CEP128: variants seen among roughly 807,000 people sequenced by gnomAD.
CEP128 encodes centrosomal protein 128kDa.
CEP128 carries 132 observed loss-of-function variants against 156.7 expected under a neutral mutation model. The observed-to-expected ratio is 0.84, with a 90% CI of 0.73 to 0.97. The LOEUF is 0.97. Among genes scored for constraint, CEP128 ranks in the 50% least tolerant of loss-of-function variants. The pLI, the probability that CEP128 is intolerant of heterozygous loss-of-function variation, is 0.00. For missense variants in CEP128, 1,252 were observed against 1,281.9 expected (o/e 0.98, Z 0.36); for synonymous variants, 469 against 448.9 (o/e 1.04, Z -0.57).
At chr14:80,952,594 CT>C in intron 2 of CEP128, among the ~76,000 whole-genome samples, 1 of 151,658 alleles carries the variant, frequency 6.6e-6, no homozygotes, top group Non-Finnish European at 1.5e-5. Context: ...GAAACCTCAC[CT>C]TAAGAAGTAA....
At chr14:80,655,989 C>G (rs1895116495) in intron 19 of CEP128, among the ~76,000 whole-genome samples, 1 of 151,742 alleles carries the variant, frequency 6.6e-6, no homozygotes, top group African/African-American at 2.4e-5. Flanking sequence ...AAGACCTACT[C>G]TAGGAAGGCT....
intron 19 of CEP128, among the ~76,000 whole-genome samples, chr14:80,681,858 C>T (rs1206811650): frequency 1.3e-5 from 2 of 152,158 alleles, no homozygotes; most frequent in South Asian, 2.1e-4. Flanking sequence ...AATCCCAGCA[C>T]ACTGGGAGGC....
At chr14:80,561,472 C>A (rs1299702953) in intron 20 of CEP128, among the ~76,000 whole-genome samples, 1 of 152,110 alleles carries the variant, frequency 6.6e-6, no homozygotes, top group East Asian at 1.9e-4. Context: ...ACTTTAATAT[C>A]CTTTGCAGAT....
chr14:80,836,445 C>G, intron 11 of CEP128, 108 bp from the exon 12 acceptor site: 1 of 1,174,144 alleles, frequency 8.5e-7, no homozygotes, highest in Non-Finnish European at 1.2e-6. Context: ...TCCTTCCAAG[C>G]ATAGTGGAAC....
At chr14:80,635,784 C>A (rs1043628308) in intron 19 of CEP128, among the ~76,000 whole-genome samples, 6 of 152,160 alleles carry the variant, frequency 3.9e-5, no homozygotes, top group African/African-American at 7.2e-5. Context: ...AAAATCTGAA[C>A]CTTTTTGAAC....
At chr14:80,688,917 T>C (rs1032838279) in intron 19 of CEP128, among the ~76,000 whole-genome samples, 2 of 152,150 alleles carry the variant, frequency 1.3e-5, no homozygotes, top group Non-Finnish European at 2.9e-5. Flanking sequence ...AGACATTAAA[T>C]TGGGTACAAG....
At chr14:80,885,403 C>T (rs1888748098) in intron 8 of CEP128, among the ~76,000 whole-genome samples, 1 of 152,178 alleles carries the variant, frequency 6.6e-6, no homozygotes, top group Non-Finnish European at 1.5e-5. Context: ...GTGGGTATCC[C>T]TCTGGAACGA....
intron 13 of CEP128, among the ~76,000 whole-genome samples, chr14:80,808,532 A>G (rs560917852): frequency 6.6e-6 from 1 of 152,098 alleles, no homozygotes; most frequent in South Asian, 2.1e-4. Flanking sequence ...TGAGAACACA[A>G]TCACCAACCT....
intron 19 of CEP128, among the ~76,000 whole-genome samples, chr14:80,677,610 C>G (rs1384771855): frequency 6.8e-6 from 1 of 148,128 alleles, no homozygotes; most frequent in African/African-American, 2.5e-5. Flanking sequence ...GAGTGAAAGA[C>G]AAGTAATGCT....
At chr14:80,958,496 A>G (rs1886831190) in intron 1 of CEP128, among the ~76,000 whole-genome samples, 2 of 152,124 alleles carry the variant, frequency 1.3e-5, no homozygotes, top group African/African-American at 4.8e-5. Context: ...ACATTCAGTA[A>G]ACCGACTGAT....
chr14:80,663,962 G>A (rs551974432), intron 19 of CEP128, among the ~76,000 whole-genome samples: 35 of 152,220 alleles, frequency 2.3e-4, no homozygotes, highest in African/African-American at 3.9e-4. Flanking sequence ...ACTGCCCACC[G>A]CCTACATCTC....
intron 12 of CEP128, among the ~76,000 whole-genome samples, chr14:80,834,142 A>G (rs1885953683): frequency 6.6e-6 from 1 of 152,208 alleles, no homozygotes; most frequent in Non-Finnish European, 1.5e-5. Context: ...CCAGGCAGAC[A>G]TACTAAGTAA....
chr14:80,746,312 G>A (rs1360180479), intron 18 of CEP128, among the ~76,000 whole-genome samples: 3 of 152,138 alleles, frequency 2.0e-5, no homozygotes, highest in African/African-American at 7.2e-5. Flanking sequence ...TATAGTTGGA[G>A]GATTCATACT....
At chr14:80,837,646 G>A (rs1374397628) in intron 11 of CEP128, among the ~76,000 whole-genome samples, 2 of 152,216 alleles carry the variant, frequency 1.3e-5, no homozygotes, top group Non-Finnish European at 2.9e-5. Flanking sequence ...AACCCGGGAG[G>A]CTGAGGTTGT....
At chr14:80,884,352 A>G (rs984042708) in intron 8 of CEP128, among the ~76,000 whole-genome samples, 1 of 152,246 alleles carries the variant, frequency 6.6e-6, no homozygotes, top group African/African-American at 2.4e-5. Flanking sequence ...AATAACCATT[A>G]TACAGAGAGC....
intron 21 of CEP128, among the ~76,000 whole-genome samples, chr14:80,554,531 A>G (rs1352198999): frequency 6.6e-6 from 1 of 152,160 alleles, no homozygotes. Flanking sequence ...TTGACTAAAA[A>G]TAGTTGATTA....
chr14:80,547,685 G>A (rs545708227), intron 21 of CEP128, among the ~76,000 whole-genome samples: 4 of 152,148 alleles, frequency 2.6e-5, no homozygotes, highest in Non-Finnish European at 4.4e-5. Flanking sequence ...AATATAATAT[G>A]ATTAAACTAG....
intron 19 of CEP128, among the ~76,000 whole-genome samples, chr14:80,614,935 T>C (rs1236632493): frequency 6.6e-6 from 1 of 152,218 alleles, no homozygotes; most frequent in African/African-American, 2.4e-5. Flanking sequence ...GGTTATCAAA[T>C]GTACAGCTCA....
intron 19 of CEP128, among the ~76,000 whole-genome samples, chr14:80,650,608 T>C (rs1894861633): frequency 6.6e-6 from 1 of 152,188 alleles, no homozygotes; most frequent in African/African-American, 2.4e-5. Context: ...ACCTAGTTTA[T>C]TGAGAGTTTT....
Sources: gnomAD v4.1 joint callset for allele counts (sites outside exome capture counted in the v4.1 genomes callset) on GRCh38, gnomAD v4.1.1 for gene constraint, MANE v1.5 for transcripts, NCBI Gene and HGNC (gene_info 2026-07-23, HGNC 2026-07-21) for gene names.